The following ZNF519 variants were observed in gnomAD, a reference collection of about 807,000 sequenced individuals.
The protein encoded by ZNF519 is zinc finger protein 519, also known as similar to Zinc finger protein 85 (Zinc finger protein HPF4) (HTF1).
In ZNF519, 7 loss-of-function variants were observed where a neutral mutation model predicts 7.4. That is an observed-to-expected ratio of 0.94 (90% CI 0.54 to 1.77). ZNF519 has a LOEUF of 1.77. ZNF519 is among the 40% of genes most tolerant of loss of function. The pLI, the probability that ZNF519 is intolerant of heterozygous loss-of-function variation, is 0.00. For synonymous variants in ZNF519, 179 were observed against 203.3 expected (o/e 0.88, Z 1.02); for missense variants, 586 against 623.1 (o/e 0.94, Z 0.63).
intron 1 of ZNF519, among the ~76,000 whole-genome samples, chr18:14,126,202 G>A (rs1567956105): frequency 6.6e-6 from 1 of 151,998 alleles, no homozygotes; most frequent in African/African-American, 2.4e-5. Flanking sequence ...CGCAGGGTTG[G>A]GACAGATCTC....
chr18:14,080,808 C>A (rs574007407), intron 3 of ZNF519, among the ~76,000 whole-genome samples: 1 of 152,014 alleles, frequency 6.6e-6, no homozygotes, highest in Non-Finnish European at 1.5e-5. Flanking sequence ...AATGGATAAA[C>A]GATAGTACAT....
chr18:14,073,111 C>A (rs2046034065), downstream of ZNF519: 1 of 151,954 alleles, frequency 6.6e-6, no homozygotes, highest in African/African-American at 2.4e-5. Flanking sequence ...GTGGTATATG[C>A]CAGCAATGAT....
chr18:14,096,965 G>A (rs1024106430), downstream of ZNF519, among the ~76,000 whole-genome samples: 4 of 152,110 alleles, frequency 2.6e-5, no homozygotes, highest in Admixed American at 2.0e-4. Context: ...ATATCTCAAC[G>A]CTTCATTTCA....
chr18:14,078,109 AG>A (rs1875798427), intron 4 of ZNF519: 1 of 152,188 alleles, frequency 6.6e-6, no homozygotes, highest in African/African-American at 2.4e-5. Context: ...AGTTCACAAT[AG>A]GGTTTGCTGC....
In ZNF519 at chr18:14,105,628, A is replaced by T. The variant is rs1481972753; in HGVS notation, c.912T>A (p.Ser304Arg). ...CKKCDKAFNKSSHLAQHQRIH... is the reference protein window; with the variant it reads ...CKKCDKAFNKRSHLAQHQRIH... ...TTCTCTGATGTTGAGCAAGGTGTGAACTCTTGTTAAAGGCTTTGTCACATT... is the reference window on the plus strand; with the variant it reads ...TTCTCTGATGTTGAGCAAGGTGTGATCTCTTGTTAAAGGCTTTGTCACATT... Residue 304 changes from serine (S) to arginine (R), a missense_variant, in exon 3 of 3, where the codon AGT (serine) becomes AGA (arginine). Physicochemically the swap from Ser to Arg is moderately radical, Grantham distance 110. Transcript: ENST00000590202. 1 of 1,613,196 alleles carries T rather than the reference A, an allele frequency of 6.2e-7. No homozygotes were observed. The highest frequency in any genetic ancestry group is 8.5e-7 in the Non-Finnish European group (1 of 1,179,786).
intron 2 of ZNF519, among the ~76,000 whole-genome samples, chr18:14,115,939 G>A (rs183314893): frequency 2.0e-5 from 3 of 152,280 alleles, no homozygotes; most frequent in Middle Eastern, 3.4e-3. Context: ...AACCTGTTAG[G>A]ACACAAAGCA....
At position 14,105,555 on chromosome 18, in the gene ZNF519, A is replaced by G. The variant is rs376906490; in HGVS notation, c.985T>C (p.Phe329Leu). ...PFKCKECGKAFNRGSYLTQHQ... is the reference protein window; with the variant it reads ...PFKCKECGKALNRGSYLTQHQ... ...TGAGTAAGGTATGAGCCTCTGTTAA[A>G]AGCTTTGCCACATTCCTTACACTTG... Residue 329 changes from phenylalanine to leucine, a missense_variant, in exon 3 of 3, where the codon TTT becomes CTT. Coordinates refer to ENST00000590202, the MANE Select transcript of ZNF519 (RefSeq NM_145287.4). 5 of 1,613,944 alleles carry G rather than the reference A, an allele frequency of 3.1e-6. No individual in the cohort carries two copies. The African/African-American group carries it at 6.7e-5, about 22-fold the overall frequency.
intron 1 of ZNF519, among the ~76,000 whole-genome samples, chr18:14,128,642 T>C (rs2046313588): frequency 6.6e-6 from 1 of 150,422 alleles, no homozygotes; most frequent in Non-Finnish European, 1.5e-5. Context: ...GCTAATTACA[T>C]TTCAAAGCAA....
chr18:14,088,132 C>T (rs1003295677), intron 2 of ZNF519, among the ~76,000 whole-genome samples: 15 of 152,190 alleles, frequency 9.9e-5, no homozygotes, highest in African/African-American at 3.6e-4. Context: ...TACTTAACAC[C>T]TATGTGACAA....
chr18:14,095,217 T>A (rs1455156316), downstream of ZNF519, among the ~76,000 whole-genome samples: 1 of 152,076 alleles, frequency 6.6e-6, no homozygotes, highest in Non-Finnish European at 1.5e-5. Flanking sequence ...GTTCTGCAAG[T>A]TTTTGCCTGG....
chr18:14,100,101 T>A lies in ZNF519; in HGVS notation c.*4816A>T, dbSNP rs1598513419. The stretch of plus-strand genomic sequence containing the variant: ...ATAGGCAGATGTCATATGAGAACAT[T>A]AAATAAAGTTCAACATTATTATCCT... On this transcript the variant is annotated 3_prime_UTR_variant, in exon 3 of 3. Transcript: ENST00000590202. 1 of 152,158 alleles carries A rather than the reference T, an allele frequency of 6.6e-6. No homozygotes were observed. The highest frequency in any genetic ancestry group is 1.5e-5 in the Non-Finnish European group (1 of 68,032). The allele number at this position is 152,158 out of a possible 1,614,324, so 9.4% of individuals were successfully genotyped here.
Position 14,105,345 on chromosome 18 carries a change from T to A in ZNF519, c.1195A>T (p.Thr399Ser). 1 of 1,614,096 alleles carries A rather than the reference T, an allele frequency of 6.2e-7. No individual in the cohort carries two copies. The highest frequency in any genetic ancestry group is 8.5e-7 in the Non-Finnish European group (1 of 1,179,996). The change falls in exon 3 of 3, where the codon ACT (threonine) becomes TCT (serine). Residue 399 changes from threonine (T) to serine (S), a missense_variant. By Grantham distance (58) the Thr-to-Ser change is moderately conservative (BLOSUM62 1). Transcript: ENST00000590202. ...SYVTQHQRMH[T>S]GEKPFKCKEC... is the part of the protein sequence containing the mutation. ...TTACACTTGAAAGGTTTCTCTCCAG[T>A]ATGCATTCTCTGATGCTGAGTAACG...
intron 4 of ZNF519, chr18:14,078,133 C>T (rs933889575): frequency 6.6e-6 from 1 of 152,198 alleles, no homozygotes; most frequent in East Asian, 1.9e-4. Flanking sequence ...CTGTGAGAAT[C>T]TAATGCCACT....
At position 14,106,221 on chromosome 18, in the gene ZNF519, T is replaced by G; in HGVS notation, c.319A>C (p.Thr107Pro). The part of the protein sequence containing the change: ...CYNLCSQYLT[T>P]SHNKHLTVKG... ...ACAGTTAAATGTTTGTTATGACTAG[T>G]TGTCAAATATTGGCTACATAGATTA... The change falls in exon 3 of 3, where the codon ACT (threonine) becomes CCT (proline). Residue 107 changes from threonine (T) to proline (P), a missense_variant. Coordinates refer to ENST00000590202, the MANE Select transcript of ZNF519 (RefSeq NM_145287.4). 6.2e-7 allele frequency: 1 copy of G among 1,613,466 alleles called. No individual in the cohort carries two copies. Among genetic ancestry groups the G allele is most frequent in the Non-Finnish European group, 8.5e-7 (1 of 1,179,874 alleles).
intron 3 of ZNF519, chr18:14,084,159 G>A (rs183246006): frequency 6.6e-6 from 1 of 152,274 alleles, no homozygotes; most frequent in African/African-American, 2.4e-5. Flanking sequence ...AGCACTGCAG[G>A]GAGAAGACAG....
chr18:14,109,159 G>C, intron 2 of ZNF519, among the ~76,000 whole-genome samples: 1 of 151,518 alleles, frequency 6.6e-6, no homozygotes, highest in East Asian at 1.9e-4. Context: ...AATTCATCAA[G>C]AAGATATAAG....
chr18:14,129,984 T>C (rs1182005259), intron 1 of ZNF519, among the ~76,000 whole-genome samples: 1 of 152,102 alleles, frequency 6.6e-6, no homozygotes, highest in African/African-American at 2.4e-5. Context: ...CTGGGGCAGG[T>C]AGGTAATTCT....
At chr18:14,125,660 T>C (rs2046295372) in intron 1 of ZNF519, among the ~76,000 whole-genome samples, 1 of 152,074 alleles carries the variant, frequency 6.6e-6, no homozygotes, top group Non-Finnish European at 1.5e-5. Context: ...GGTTGCTGGA[T>C]GGGATGTCTC....
At chr18:14,093,938 A>G (rs1221440676) in intron 2 of ZNF519, among the ~76,000 whole-genome samples, 1 of 152,254 alleles carries the variant, frequency 6.6e-6, no homozygotes, top group African/African-American at 2.4e-5. Flanking sequence ...TATGTTAACG[A>G]GATAGCTTTC....
Sources: allele counts gnomAD v4.1 joint callset (sites outside exome capture counted in the v4.1 genomes callset), GRCh38; gene constraint gnomAD v4.1.1; transcripts MANE v1.5; gene names NCBI Gene and HGNC (gene_info 2026-07-23, HGNC 2026-07-21).